COG6: variants seen among roughly 807,000 people sequenced by gnomAD.
The protein encoded by COG6 is conserved oligomeric Golgi complex subunit 6.
COG6 carries 74 observed loss-of-function variants against 88.8 expected under a neutral mutation model. That is an observed-to-expected ratio of 0.83 (90% confidence interval 0.69 to 1.01). The LOEUF (loss-of-function observed/expected upper bound fraction) is 1.01. Among genes scored for constraint, COG6 ranks in the 50% least tolerant of loss-of-function variants. COG6 has a pLI of 0.00. For synonymous variants in COG6, 286 were observed against 278.7 expected (o/e 1.03, Z -0.26); for missense variants, 800 against 797.9 (o/e 1.00, Z -0.03).
In COG6 at chr13:39,655,801, C is replaced by T. The variant is rs368552203; in HGVS notation, c.75C>T (p.Gly25=). Residue 25 remains glycine (G), a synonymous_variant, in exon 1 of 19, where the codon GGC becomes GGT. Coordinates refer to ENST00000455146, the MANE Select transcript of COG6 (RefSeq NM_020751.3). ...CCAACGGCCTCAACAATGGGGCAGG[C>T]GGGACCTCGGCGACGACCTGCAACC... ...GAANGLNNGA[G]GTSATTCNPL... is the part of the protein sequence containing the mutation. 9.4e-6 allele frequency: 15 copies of T among 1,598,228 alleles called. No homozygotes were observed. Among genetic ancestry groups the T allele is most frequent in the Admixed American group, 5.1e-5 (3 of 58,560 alleles).
chr13:39,776,763 C>T (rs939406188), intron 18 of COG6, among the ~76,000 whole-genome samples: 3 of 151,780 alleles, frequency 2.0e-5, no homozygotes, highest in Admixed American at 1.3e-4. Context: ...CCACTTCTGT[C>T]GAAGCTGCTT....
At chr13:39,756,625 A>G (rs1880844073), downstream of COG6, among the ~76,000 whole-genome samples, 1 of 152,144 alleles carries the variant, frequency 6.6e-6, no homozygotes, top group Admixed American at 6.5e-5. Context: ...TGAAAACACC[A>G]AGAGAGAGGT....
chr13:39,665,141 C>A lies in COG6; in HGVS notation c.415C>A (p.Leu139Ile). ...AGATTTAATAGTAAAAACCACTAAGCTTCAATCTGAAAGGTAAGTTTTTCT... is the reference window on the plus strand; with the variant it reads ...AGATTTAATAGTAAAAACCACTAAGATTCAATCTGAAAGGTAAGTTTTTCT... The part of the protein sequence containing the change: ...TQDLIVKTTK[L>I]QSESQKLEIR... Residue 139 changes from leucine (L) to isoleucine (I), a missense_variant, in exon 4 of 19, where the codon CTT (leucine) becomes ATT (isoleucine). By Grantham distance (5) the Leu-to-Ile change is conservative (BLOSUM62 2). Transcript: ENST00000455146. 1 of 1,535,024 alleles carries A rather than the reference C, an allele frequency of 6.5e-7. No individual in the cohort carries two copies. Among genetic ancestry groups the A allele is most frequent in the Non-Finnish European group, 9.0e-7 (1 of 1,108,964 alleles).
At position 39,658,224 on chromosome 13, in the gene COG6, G is replaced by T. The variant is rs12430018; in HGVS notation, c.154-1140G>T. Among the ~76,000 whole-genome samples the T allele has an allele frequency of 3.4e-4, 51 of 151,228 alleles. 1 individual carries two copies. The South Asian group carries it at 0.011, about 32-fold the overall frequency. On this transcript the variant is annotated intron_variant, in intron 1 of 18. Coordinates refer to ENST00000455146, the MANE Select transcript of COG6 (RefSeq NM_020751.3). ...ATGGAGAGAACATGGCCTTACTGTA[G>T]CCTTGATCTTGCTGGCTCAAGCGAT... is the stretch of plus-strand genomic sequence containing the variant.
At position 39,684,432 on chromosome 13, in the gene COG6, A is replaced by G. The variant is rs1000333594; in HGVS notation, c.788+2168A>G. ...GCCCGGCTAATTTTTTGTATTTTTT[A>G]GTAGAGACGGGGTTTCACCGTGTTA... On this transcript the variant is annotated intron_variant, in intron 8 of 18. Transcript: ENST00000455146. Among the ~76,000 whole-genome samples, 23 of 150,840 alleles carry G rather than the reference A, an allele frequency of 1.5e-4. 1 individual carries two copies. The highest frequency in any genetic ancestry group is 1.4e-3 in the Admixed American group (21 of 15,152).
chr13:39,752,343 A>G lies in COG6; in HGVS notation c.*1250A>G. ...TTATAGAATATGACCTATTTATCTGAAGTTTATAATTGTTTATACCTAATA... is the reference window on the plus strand; with the variant it reads ...TTATAGAATATGACCTATTTATCTGGAGTTTATAATTGTTTATACCTAATA... On this transcript the variant is annotated 3_prime_UTR_variant, in exon 19 of 19. Transcript: ENST00000455146. 1 of 863,386 alleles carries G rather than the reference A, an allele frequency of 1.2e-6. No individual in the cohort carries two copies. The highest frequency in any genetic ancestry group is 1.6e-6 in the Non-Finnish European group (1 of 629,788). 53.5% of individuals were successfully genotyped at this position (863,386 alleles called of 1,614,324 possible). A position where few individuals can be genotyped will look rare whatever the true frequency, so the allele number is the denominator to read the frequency against.
At chr13:39,779,853 C>T (rs190532904) in intron 18 of COG6, among the ~76,000 whole-genome samples, 1 of 152,278 alleles carries the variant, frequency 6.6e-6, no homozygotes, top group East Asian at 1.9e-4. Context: ...ACAAACGTTA[C>T]AAGAATGCTC....
At chr13:39,668,584 C>T (rs4606581) in intron 4 of COG6, among the ~76,000 whole-genome samples, 108,265 of 151,356 alleles carry the variant, frequency 0.72, 39,060 homozygotes, top group Admixed American at 0.81. Flanking sequence ...GTCAGGAGAT[C>T]GAGACCATCC....
chr13:39,739,751 T>C (rs988495861), intron 18 of COG6, among the ~76,000 whole-genome samples: 34 of 152,170 alleles, frequency 2.2e-4, no homozygotes, highest in African/African-American at 7.5e-4. Context: ...TATGCATAGT[T>C]ACTGTCACAT....
At chr13:39,678,046 A>T (rs555409172) in intron 5 of COG6, 6 of 449,778 alleles carry the variant, frequency 1.3e-5, no homozygotes, top group African/African-American at 1.0e-4. Context: ...ATCATAGTAC[A>T]GTTAGACCAC....
chr13:39,721,885 T>C (rs997812679), intron 15 of COG6, among the ~76,000 whole-genome samples: 1 of 152,058 alleles, frequency 6.6e-6, no homozygotes, highest in African/African-American at 2.4e-5. Flanking sequence ...TTCCATTGAG[T>C]TTATATGTTT....
chr13:39,668,517 C>T (rs9576883), intron 4 of COG6, among the ~76,000 whole-genome samples: 34,158 of 152,054 alleles, frequency 0.22, 4,153 homozygotes, highest in Non-Finnish European at 0.28. Context: ...GGCCGGGCGC[C>T]GTAGCTCACA....
Position 39,657,960 on chromosome 13 carries a change from C to T in COG6, c.154-1404C>T, listed in dbSNP as rs143354888. 1.9e-3 allele frequency among the ~76,000 whole-genome samples: 282 copies of T among 152,082 alleles called. 2 individuals carry two copies. The highest frequency in any genetic ancestry group is 6.2e-3 in the African/African-American group (259 of 41,496). ...TTGACGTCATAGAACTTAACATGGG[C>T]GGAACTCTTGATTTTTCCCTAAACT... On this transcript the variant is annotated intron_variant, in intron 1 of 18. Transcript: ENST00000455146.
chr13:39,742,834 A>G (rs1237510433), intron 18 of COG6, among the ~76,000 whole-genome samples: 2 of 152,182 alleles, frequency 1.3e-5, no homozygotes, highest in African/African-American at 4.8e-5. Context: ...CTTATTCCAA[A>G]ATTGACCACA....
At chr13:39,778,390 A>G (rs1342238637) in intron 18 of COG6, among the ~76,000 whole-genome samples, 1 of 152,240 alleles carries the variant, frequency 6.6e-6, no homozygotes, top group Non-Finnish European at 1.5e-5. Context: ...GGGACTATGT[A>G]GCTCATGTGC....
intron 3 of COG6, among the ~76,000 whole-genome samples, chr13:39,662,437 A>G (rs563193836): frequency 6.6e-6 from 1 of 151,926 alleles, no homozygotes; most frequent in South Asian, 2.1e-4. Context: ...AGTCCTTTAT[A>G]TTTTCTTTGC....
intron 18 of COG6, among the ~76,000 whole-genome samples, chr13:39,749,082 A>C (rs1317895284): frequency 6.6e-6 from 1 of 152,160 alleles, no homozygotes; most frequent in African/African-American, 2.4e-5. Context: ...CAATATTACT[A>C]TTACTGCTAT....
chr13:39,739,643 A>C (rs1305294171), intron 18 of COG6, among the ~76,000 whole-genome samples: 1 of 152,142 alleles, frequency 6.6e-6, no homozygotes, highest in Non-Finnish European at 1.5e-5. Flanking sequence ...GTTAGAGAAG[A>C]GTACCATGAC....
chr13:39,760,604 A>G (rs1880980687), intron 18 of COG6, among the ~76,000 whole-genome samples: 1 of 152,204 alleles, frequency 6.6e-6, no homozygotes, highest in Admixed American at 6.5e-5. Context: ...TACAATAACA[A>G]ACCATAATAG....
Sources: gnomAD v4.1 joint callset for allele counts (sites outside exome capture counted in the v4.1 genomes callset) on GRCh38, gnomAD v4.1.1 for gene constraint, MANE v1.5 for transcripts, NCBI Gene and HGNC (gene_info 2026-07-23, HGNC 2026-07-21) for gene names.